MANBA: variants seen among roughly 807,000 people sequenced by gnomAD.
MANBA encodes the protein mannosidase beta.
Under a neutral mutation model 111.1 loss-of-function variants are expected in MANBA, and 83 were observed. That is an observed-to-expected ratio of 0.75 (90% confidence interval 0.63 to 0.90). The LOEUF (loss-of-function observed/expected upper bound fraction) is 0.90, where lower values mean the gene tolerates loss of function less well. Among genes scored for constraint, MANBA ranks in the 40% least tolerant of loss-of-function variants. The probability of loss-of-function intolerance (pLI) is 0.00; values close to 1 mark genes in which losing one functional copy is unlikely to be tolerated. For missense variants in MANBA, 1,036 were observed against 1,069.0 expected (o/e 0.97, Z 0.43); for synonymous variants, 370 against 378.7 (o/e 0.98, Z 0.27).
At chr4:102,680,752 C>T (rs985259292) in intron 7 of MANBA, among the ~76,000 whole-genome samples, 3 of 152,188 alleles carry the variant, frequency 2.0e-5, no homozygotes, top group African/African-American at 7.2e-5. Context: ...TTATCCTGGC[C>T]CATAGCAGAG....
chr4:102,667,645 T>C (rs1160549603), intron 10 of MANBA: 1 of 152,188 alleles, frequency 6.6e-6, no homozygotes, highest in African/African-American at 2.4e-5. Flanking sequence ...GAGTTATAGA[T>C]ACAGAAATTG....
chr4:102,722,958 C>G lies in MANBA; in HGVS notation c.462G>C (p.Gln154His). Residue 154 changes from glutamine to histidine, a missense_variant, in exon 4 of 17, where the codon CAG becomes CAC. Transcript: ENST00000647097. ...CCTGGTAGCGAGTGTGAGCTTTGCT[C>G]TGCTGTGCTGCATACAACACCGCTG... is the stretch of plus-strand genomic sequence containing the variant. ...FQSAVLYAAQ[Q>H]SKAHTRYQVP... The G allele has an allele frequency of 6.2e-7, 1 of 1,614,140 alleles. No individual in the cohort carries two copies. The highest frequency in any genetic ancestry group is 2.2e-5 in the East Asian group (1 of 44,890).
chr4:102,676,872 C>T (rs900348412), intron 7 of MANBA, among the ~76,000 whole-genome samples: 1 of 152,190 alleles, frequency 6.6e-6, no homozygotes. Context: ...TAGCTCCAAA[C>T]TGCTAGTAGT....
At chr4:102,736,988 A>G (rs1723237525) in intron 1 of MANBA, among the ~76,000 whole-genome samples, 1 of 152,210 alleles carries the variant, frequency 6.6e-6, no homozygotes, top group African/African-American at 2.4e-5. Context: ...AACCTTACCT[A>G]GAGCTGAAAT....
In MANBA at chr4:102,631,566, C is replaced by T. The variant is rs1262808379; in HGVS notation, c.*491G>A. On this transcript the variant is annotated 3_prime_UTR_variant, in exon 17 of 17. Transcript: ENST00000647097. ...ACAGAAAAATACCCATATACCTTTA[C>T]CCAAATAGCTACCACCAAGAAATCT... 2 of 407,686 alleles carry T rather than the reference C, an allele frequency of 4.9e-6. No individual in the cohort carries two copies. Among genetic ancestry groups the T allele is most frequent in the African/African-American group, 4.1e-5 (2 of 48,560 alleles). 25.3% of individuals were successfully genotyped at this position (407,686 alleles called of 1,614,324 possible). A position where few individuals can be genotyped will look rare whatever the true frequency, so the allele number is the denominator to read the frequency against.
chr4:102,657,931 T>C, intron 11 of MANBA, 31 bp from the exon 12 acceptor site: 7 of 1,398,164 alleles, frequency 5.0e-6, no homozygotes, highest in Non-Finnish European at 7.1e-6. Flanking sequence ...AATTCAAGGA[T>C]AATATATTCA....
At chr4:102,753,295 T>C (rs1296294395) in intron 1 of MANBA, among the ~76,000 whole-genome samples, 2 of 152,164 alleles carry the variant, frequency 1.3e-5, no homozygotes, top group Non-Finnish European at 2.9e-5. Flanking sequence ...CAGTGGTCTT[T>C]TTCTGCTTTA....
In MANBA at chr4:102,729,680, C is replaced by T. The variant is rs553987291; in HGVS notation, c.178-2997G>A. 68 of 1,550,270 alleles carry T rather than the reference C, an allele frequency of 4.4e-5. No homozygotes were observed. The South Asian group carries it at 7.4e-4, about 17-fold the overall frequency. ...CCACCAGCCCGGGCATGTTGCCAAGCTCCGCCTCCAGCTTCAGCTTCTCCT... is the reference window on the plus strand; with the variant it reads ...CCACCAGCCCGGGCATGTTGCCAAGTTCCGCCTCCAGCTTCAGCTTCTCCT... On this transcript the variant is annotated intron_variant, in intron 1 of 16. Coordinates refer to ENST00000647097, the MANE Select transcript of MANBA (RefSeq NM_005908.4).
chr4:102,645,294 T>C (rs1730054516), intron 13 of MANBA, among the ~76,000 whole-genome samples: 1 of 152,116 alleles, frequency 6.6e-6, no homozygotes, highest in South Asian at 2.1e-4. Flanking sequence ...TCTGTCTACA[T>C]TCACAAATGA....
intron 7 of MANBA, among the ~76,000 whole-genome samples, chr4:102,675,165 GTTCT>G (rs1731672382): frequency 6.6e-6 from 1 of 152,224 alleles, no homozygotes; most frequent in African/African-American, 2.4e-5. Context: ...ACAGTGCATG[GTTCT>G]TTAAGTGTGG....
chr4:102,749,601 A>G (rs1723713285), intron 1 of MANBA, among the ~76,000 whole-genome samples: 1 of 152,200 alleles, frequency 6.6e-6, no homozygotes, highest in South Asian at 2.1e-4. Context: ...TGCAATGGTG[A>G]AAAGAACATC....
chr4:102,669,128 G>A (rs1731372510), intron 9 of MANBA, 79 bp from the exon 10 acceptor site: 5 of 1,096,984 alleles, frequency 4.6e-6, no homozygotes, highest in Middle Eastern at 2.0e-4. Context: ...CTGAGCTCTG[G>A]GCATTATCTT....
intron 5 of MANBA, among the ~76,000 whole-genome samples, chr4:102,696,469 C>G (rs1732713151): frequency 6.6e-6 from 1 of 152,060 alleles, no homozygotes; most frequent in Non-Finnish European, 1.5e-5. Flanking sequence ...ATATCCCAAT[C>G]CAAAAAGGCA....
At chr4:102,695,225 G>T (rs1309474922) in intron 5 of MANBA, among the ~76,000 whole-genome samples, 4 of 151,722 alleles carry the variant, frequency 2.6e-5, no homozygotes, top group Admixed American at 1.3e-4. Flanking sequence ...TTCTCATACA[G>T]TCTACTCCTT....
chr4:102,673,445 T>A (rs758483195), intron 8 of MANBA, among the ~76,000 whole-genome samples: 2 of 151,452 alleles, frequency 1.3e-5, no homozygotes, highest in Non-Finnish European at 2.9e-5. Flanking sequence ...GAGGCGGAGG[T>A]TGCAGTGAGC....
intron 7 of MANBA, among the ~76,000 whole-genome samples, chr4:102,683,677 T>C (rs1472523866): frequency 1.3e-5 from 2 of 152,182 alleles, no homozygotes; most frequent in East Asian, 1.9e-4. Flanking sequence ...TTCCCACTTA[T>C]ACACAAAACT....
At chr4:102,752,692 A>G (rs1723855243) in intron 1 of MANBA, 1 of 476,918 alleles carries the variant, frequency 2.1e-6, no homozygotes. Context: ...TGAACTTGGT[A>G]GAAAATCATG....
intron 8 of MANBA, among the ~76,000 whole-genome samples, chr4:102,671,738 C>T (rs1345914881): frequency 1.3e-5 from 2 of 152,208 alleles, no homozygotes; most frequent in Non-Finnish European, 2.9e-5. Flanking sequence ...ACCCTCCAAA[C>T]TATAAAACAA....
intron 2 of MANBA, among the ~76,000 whole-genome samples, chr4:102,725,234 A>C (rs921027898): frequency 6.6e-6 from 1 of 152,160 alleles, no homozygotes; most frequent in African/African-American, 2.4e-5. Flanking sequence ...AAATGACTGA[A>C]TTGTACAATA....
Sources: allele counts gnomAD v4.1 joint callset (sites outside exome capture counted in the v4.1 genomes callset), GRCh38; gene constraint gnomAD v4.1.1; transcripts MANE v1.5; gene names NCBI Gene and HGNC (gene_info 2026-07-23, HGNC 2026-07-21).